The following PDE4D variants were observed in gnomAD, a reference collection of about 807,000 sequenced individuals.
PDE4D encodes the protein phosphodiesterase 4D.
A neutral mutation model predicts 87.4 loss-of-function variants in PDE4D; 24 were observed. That is an observed-to-expected ratio of 0.27 (90% CI 0.20 to 0.39). PDE4D has a LOEUF of 0.39. PDE4D is among the 10% of genes least tolerant of loss of function. The pLI is 1.00. For missense variants in PDE4D, 714 were observed against 1,041.0 expected (o/e 0.69, Z 4.32); for synonymous variants, 384 against 383.2 (o/e 1.00, Z -0.02).
At chr5:59,866,481 T>G (rs536468587) in intron 1 of PDE4D, among the ~76,000 whole-genome samples, 1 of 152,066 alleles carries the variant, frequency 6.6e-6, no homozygotes, top group African/African-American at 2.4e-5. Flanking sequence ...CAAAATAAAT[T>G]TACATAAGAA....
chr5:60,446,659 G>A (rs1745667232), intron 1 of PDE4D, among the ~76,000 whole-genome samples: 1 of 152,100 alleles, frequency 6.6e-6, no homozygotes, highest in Non-Finnish European at 1.5e-5. Flanking sequence ...AAGTAACAAA[G>A]GGAAAAAATA....
chr5:60,305,856 T>G (rs1754456011), intron 1 of PDE4D, among the ~76,000 whole-genome samples: 1 of 152,032 alleles, frequency 6.6e-6, no homozygotes. Context: ...TAGTTATAAC[T>G]GTAAGAAGAA....
At chr5:59,262,127 C>T (rs1266189066) in intron 1 of PDE4D, among the ~76,000 whole-genome samples, 1 of 151,812 alleles carries the variant, frequency 6.6e-6, no homozygotes, top group African/African-American at 2.4e-5. Context: ...AGTCTCCTGC[C>T]CTATAGAAAT....
chr5:60,093,314 C>G (rs1473084212), intron 2 of PDE4D, among the ~76,000 whole-genome samples: 1 of 152,152 alleles, frequency 6.6e-6, no homozygotes, highest in Non-Finnish European at 1.5e-5. Context: ...GCCGTGGACA[C>G]CATGTTGTTC....
At chr5:59,462,621 C>T (rs1800943315) in intron 1 of PDE4D, among the ~76,000 whole-genome samples, 1 of 152,152 alleles carries the variant, frequency 6.6e-6, no homozygotes, top group African/African-American at 2.4e-5. Context: ...ATGGAGGGCC[C>T]TTGCAGGTGT....
In PDE4D at chr5:59,725,279, G is replaced by A. The variant is rs1300188372; in HGVS notation, c.455+167889C>T. Reference sequence around the variant, plus strand: ...GCCTTTGCATTCTCCACACTGTTTAGTGTCACTTGTTTCCCTGAGTTTTGC... The same window carrying A: ...GCCTTTGCATTCTCCACACTGTTTAATGTCACTTGTTTCCCTGAGTTTTGC... On this transcript the variant is annotated intron_variant, in intron 1 of 14. Transcript: ENST00000340635. Among the ~76,000 whole-genome samples, 6 of 152,164 alleles carry A rather than the reference G, an allele frequency of 3.9e-5. No homozygotes were observed. The East Asian group carries it at 7.7e-4, about 20-fold the overall frequency.
At chr5:59,136,945 C>T (rs1245439617) in intron 5 of PDE4D, among the ~76,000 whole-genome samples, 1 of 152,168 alleles carries the variant, frequency 6.6e-6, no homozygotes, top group Non-Finnish European at 1.5e-5. Flanking sequence ...CTAATTTGTC[C>T]AAGACTTCCC....
At chr5:60,050,685 A>G (rs1009038379) in intron 2 of PDE4D, among the ~76,000 whole-genome samples, 5 of 152,328 alleles carry the variant, frequency 3.3e-5, no homozygotes, top group South Asian at 4.1e-4. Flanking sequence ...ACACATAACA[A>G]TATTAACTTT....
intron 1 of PDE4D, among the ~76,000 whole-genome samples, chr5:59,506,179 G>T (rs1332288801): frequency 6.6e-6 from 1 of 151,884 alleles, no homozygotes; most frequent in Non-Finnish European, 1.5e-5. Context: ...TAATATAAAT[G>T]GTTTCACATT....
chr5:59,877,953 C>T (rs1048299577), intron 1 of PDE4D, among the ~76,000 whole-genome samples: 4 of 152,114 alleles, frequency 2.6e-5, no homozygotes, highest in African/African-American at 7.2e-5. Context: ...AACATCCACA[C>T]ATCAGTGTTT....
chr5:59,967,090 T>C (rs1030724884), intron 3 of PDE4D, among the ~76,000 whole-genome samples: 1 of 152,162 alleles, frequency 6.6e-6, no homozygotes, highest in African/African-American at 2.4e-5. Flanking sequence ...GGAATCATAG[T>C]CACCTTCATT....
intron 3 of PDE4D, among the ~76,000 whole-genome samples, chr5:59,903,440 C>A (rs1752496038): frequency 6.6e-6 from 1 of 151,994 alleles, no homozygotes; most frequent in Admixed American, 6.6e-5. Context: ...CTGGATGAGG[C>A]ACTCGTCTAA....
intron 5 of PDE4D, among the ~76,000 whole-genome samples, chr5:59,165,844 G>A (rs1447211854): frequency 1.3e-5 from 2 of 152,120 alleles, no homozygotes. Context: ...ACGCAAACAA[G>A]ACAAATTAGA....
At chr5:59,093,321 A>T (rs1769081969) in intron 5 of PDE4D, among the ~76,000 whole-genome samples, 1 of 152,130 alleles carries the variant, frequency 6.6e-6, no homozygotes, top group Non-Finnish European at 1.5e-5. Context: ...CTGGAAGCGG[A>T]GTCTTTCTTT....
chr5:59,020,480 T>TAAA (rs564551539), intron 6 of PDE4D, among the ~76,000 whole-genome samples: 2 of 145,092 alleles, frequency 1.4e-5, no homozygotes, highest in Non-Finnish European at 1.5e-5. Flanking sequence ...CTCAGAAAAT[T>TAAA]AAAAAAAAAA....
chr5:59,964,532 T>C (rs1000732719), intron 3 of PDE4D, among the ~76,000 whole-genome samples: 2 of 152,154 alleles, frequency 1.3e-5, no homozygotes, highest in African/African-American at 2.4e-5. Flanking sequence ...GGCTCTCTTC[T>C]CTACTCAGTC....
chr5:59,618,899 G>A lies in PDE4D; in HGVS notation c.455+274269C>T, dbSNP rs530600444. Among the ~76,000 whole-genome samples, 6 of 152,208 alleles carry A rather than the reference G, an allele frequency of 3.9e-5. No homozygotes were observed. In the South Asian group the frequency reaches 1.0e-3, roughly 26 times the overall value. On this transcript the variant is annotated intron_variant, in intron 1 of 14. Transcript: ENST00000340635. Reference sequence around the variant, plus strand: ...GCCCTCTCACTTTCCGCCATATGATGTCACAACAAGAAAGCCCTCGCAAGA... The same window carrying A: ...GCCCTCTCACTTTCCGCCATATGATATCACAACAAGAAAGCCCTCGCAAGA...
chr5:60,309,461 A>G (rs1315517081), intron 1 of PDE4D, among the ~76,000 whole-genome samples: 5 of 152,192 alleles, frequency 3.3e-5, no homozygotes, highest in African/African-American at 9.7e-5. Flanking sequence ...TAGAAAAATT[A>G]TATATATTTG....
rs181950705 is a variant in PDE4D at position 59,925,804 on chromosome 5, G to C, written c.272+62684C>G. 1.4e-4 allele frequency among the ~76,000 whole-genome samples: 22 copies of C among 152,302 alleles called. No individual in the cohort carries two copies. In the East Asian group the frequency reaches 4.2e-3, roughly 29 times the overall value. ...ATATAAGGATAAAAGGGTCAATTCAGCAAGAAGATATAAGAATTGTAAATA... is the reference window on the plus strand; with the variant it reads ...ATATAAGGATAAAAGGGTCAATTCACCAAGAAGATATAAGAATTGTAAATA... On this transcript the variant is annotated intron_variant, in intron 3 of 16. Transcript: ENST00000502484.
Sources: allele counts gnomAD v4.1 joint callset (sites outside exome capture counted in the v4.1 genomes callset), GRCh38; gene constraint gnomAD v4.1.1; transcripts MANE v1.5; gene names NCBI Gene and HGNC (gene_info 2026-07-23, HGNC 2026-07-21).